Variants in KLHL18 observed in about 807,000 individuals in gnomAD.
The protein encoded by KLHL18 is kelch-like protein 18.
KLHL18 carries 38 observed loss-of-function variants against 58.5 expected under a neutral mutation model. The observed-to-expected ratio is 0.65, with a 90% confidence interval of 0.50 to 0.85. KLHL18 has a LOEUF of 0.85. Ranked by LOEUF, KLHL18 falls within the 40% of genes least tolerant of loss-of-function variation. The probability of loss-of-function intolerance (pLI) is 0.00; values close to 1 mark genes in which losing one functional copy is unlikely to be tolerated. For synonymous variants in KLHL18, 303 were observed against 301.9 expected (o/e 1.00, Z -0.04); for missense variants, 624 against 778.4 (o/e 0.80, Z 2.36).
At chr3:47,325,022 C>T (rs1352814891) in intron 3 of KLHL18, among the ~76,000 whole-genome samples, 1 of 152,154 alleles carries the variant, frequency 6.6e-6, no homozygotes, top group Admixed American at 6.5e-5. Context: ...CTGCCACAGA[C>T]TCCAGAGCCA....
intron 3 of KLHL18, among the ~76,000 whole-genome samples, chr3:47,324,975 C>T (rs914356969): frequency 6.6e-6 from 1 of 152,160 alleles, no homozygotes; most frequent in Non-Finnish European, 1.5e-5. Flanking sequence ...CCCTTCAGGA[C>T]CCTTTCTGAG....
chr3:47,337,260 A>G, intron 7 of KLHL18: 1 of 171,204 alleles, frequency 5.8e-6, no homozygotes, highest in South Asian at 1.3e-4. Flanking sequence ...ATGTTCTTTT[A>G]TTTAGGTCAC....
intron 1 of KLHL18, among the ~76,000 whole-genome samples, chr3:47,300,056 C>A (rs1186701349): frequency 6.6e-6 from 1 of 150,506 alleles, no homozygotes; most frequent in African/African-American, 2.4e-5. Flanking sequence ...CCCCGCCATA[C>A]CTCCTCCCTC....
rs773734435 is a variant in KLHL18, at chr3:47,343,981, G to C, written c.*40G>C. On this transcript the variant is annotated 3_prime_UTR_variant, in exon 10 of 10. Transcript: ENST00000232766. ...TGTGGTGGGGCAGGGATCTGGTACAGACATAGGCGCTTCCTTCCAGGAACA... is the reference window on the plus strand; with the variant it reads ...TGTGGTGGGGCAGGGATCTGGTACACACATAGGCGCTTCCTTCCAGGAACA... The C allele has an allele frequency of 6.3e-7, 1 of 1,595,048 alleles. No individual in the cohort carries two copies. The highest frequency in any genetic ancestry group is 1.4e-5 in the African/African-American group (1 of 73,914).
chr3:47,331,088 C>A (rs1160126123), intron 4 of KLHL18, among the ~76,000 whole-genome samples: 1 of 151,926 alleles, frequency 6.6e-6, no homozygotes, highest in Non-Finnish European at 1.5e-5. Flanking sequence ...AACATTGGGG[C>A]AGCTGTGGGA....
At chr3:47,287,768 A>G (rs2107572815) in intron 1 of KLHL18, among the ~76,000 whole-genome samples, 1 of 152,310 alleles carries the variant, frequency 6.6e-6, no homozygotes, top group African/African-American at 2.4e-5. Flanking sequence ...TACAGGCATC[A>G]GCCACCACGC....
At chr3:47,341,896 T>TAAA (rs10586716) in intron 8 of KLHL18, among the ~76,000 whole-genome samples, 1 of 125,766 alleles carries the variant, frequency 8.0e-6, no homozygotes, top group African/African-American at 3.1e-5. Context: ...CTGTCTCTTT[T>TAAA]AAAAAAAAAA....
Position 47,343,417 on chromosome 3 carries a change from A to T in KLHL18, c.1339-138A>T. 3.1e-6 allele frequency: 3 copies of T among 964,108 alleles called. No homozygotes were observed. The South Asian group carries it at 4.7e-5, about 15-fold the overall frequency. The allele number at this position is 964,108 out of a possible 1,614,324, so 59.7% of individuals were successfully genotyped here. A position where few individuals can be genotyped will look rare whatever the true frequency, so the allele number is the denominator to read the frequency against. ...AAAGAGCAGGCCTGCAGCAGAGGGA[A>T]TACTGGGAGAGCTCCTTGTCCCCAT... is the stretch of plus-strand genomic sequence containing the variant. On this transcript the variant is annotated intron_variant, in intron 9 of 9. Transcript: ENST00000232766.
chr3:47,333,387 T>A (rs1268346697), intron 5 of KLHL18, 70 bp downstream of exon 5: 12 of 1,455,764 alleles, frequency 8.2e-6, no homozygotes, highest in Non-Finnish European at 1.1e-5. Context: ...GGCCACCTGT[T>A]CCAGTTCTGG....
intron 1 of KLHL18, among the ~76,000 whole-genome samples, chr3:47,289,370 C>T (rs559745889): frequency 1.9e-4 from 29 of 152,224 alleles, no homozygotes; most frequent in African/African-American, 6.7e-4. Flanking sequence ...GTGAAAGGTA[C>T]AGTATTAGAA....
At chr3:47,304,707 CT>C (rs1703101194) in intron 1 of KLHL18, among the ~76,000 whole-genome samples, 1 of 151,940 alleles carries the variant, frequency 6.6e-6, no homozygotes, top group South Asian at 2.1e-4. Context: ...TTGCAAACTG[CT>C]TTGGATTTTC....
rs1031805836 is a variant in KLHL18, at chr3:47,288,864, A to G, written c.129+5770A>G. ...GGCCTAGGTAGAGAGATTTGTGTCCATGGACGCTCTCATCCCTTCTTCCCA... is the reference window on the plus strand; with the variant it reads ...GGCCTAGGTAGAGAGATTTGTGTCCGTGGACGCTCTCATCCCTTCTTCCCA... On this transcript the variant is annotated intron_variant, in intron 1 of 9. Coordinates refer to ENST00000232766, the MANE Select transcript of KLHL18 (RefSeq NM_025010.5). 3.9e-5 allele frequency among the ~76,000 whole-genome samples: 6 copies of G among 152,204 alleles called. No homozygotes were observed. In the East Asian group the frequency reaches 9.6e-4, roughly 24 times the overall value.
Position 47,334,558 on chromosome 3 carries a change from C to T in KLHL18, c.762-125C>T. On this transcript the variant is annotated intron_variant, in intron 5 of 9. Coordinates refer to ENST00000232766, the MANE Select transcript of KLHL18 (RefSeq NM_025010.5). This position sits in a 1 kb window ranked among gnomAD's most constrained non-coding sequence, Gnocchi z 4.7. ...TCACCTGGTTTCTTTGAGACCAGAC[C>T]TTCCAGAAGGCTTCTCCTCCCAGGT... 9.2e-7 allele frequency: 1 copy of T among 1,085,244 alleles called. No individual in the cohort carries two copies. Among genetic ancestry groups the T allele is most frequent in the South Asian group, 1.5e-5 (1 of 66,330 alleles). The allele number at this position is 1,085,244 out of a possible 1,614,324, so 67.2% of individuals were successfully genotyped here.
intron 1 of KLHL18, among the ~76,000 whole-genome samples, chr3:47,300,884 C>T (rs1471628272): frequency 6.6e-6 from 1 of 151,930 alleles, no homozygotes; most frequent in Non-Finnish European, 1.5e-5. Flanking sequence ...GGTGATCCGC[C>T]CACCTTGGCT....
At chr3:47,323,517 T>C (rs1241941185) in intron 3 of KLHL18, among the ~76,000 whole-genome samples, 1 of 152,226 alleles carries the variant, frequency 6.6e-6, no homozygotes, top group African/African-American at 2.4e-5. Context: ...CCATGGATTA[T>C]ACCCCCACCT....
chr3:47,292,356 C>T (rs1702807207), intron 1 of KLHL18, among the ~76,000 whole-genome samples: 1 of 151,464 alleles, frequency 6.6e-6, no homozygotes, highest in Non-Finnish European at 1.5e-5. Context: ...TGCCTGTAGT[C>T]CCAGCTACTC....
rs1169064722 is a variant in KLHL18, at chr3:47,334,503, C to A, written c.762-180C>A. 2.0e-5 allele frequency among the ~76,000 whole-genome samples: 3 copies of A among 152,112 alleles called. No homozygotes were observed. The highest frequency in any genetic ancestry group is 7.2e-5 in the African/African-American group (3 of 41,406). ...CTTGCCCCTTTAATTTTGAGTATAT[C>A]TCAGTAGCCATGTATGATTTTCCCA... On this transcript the variant is annotated intron_variant, in intron 5 of 9. Coordinates refer to ENST00000232766, the MANE Select transcript of KLHL18 (RefSeq NM_025010.5). The surrounding 1 kb of genome is among the most constrained non-coding windows in gnomAD (Gnocchi z 4.7).
rs79251045 is a variant in KLHL18, at chr3:47,321,069, G to T, written c.260+1286G>T. Among the ~76,000 whole-genome samples, 22 of 152,300 alleles carry T rather than the reference G, an allele frequency of 1.4e-4. No homozygotes were observed. The East Asian group carries it at 2.9e-3, about 20-fold the overall frequency. On this transcript the variant is annotated intron_variant, in intron 2 of 9. Transcript: ENST00000232766. ...TAGTCCAGGGGCTTCATTTAACAGA[G>T]ATTGCCTGAACATCCATGATGAGCA...
chr3:47,324,830 T>C (rs1211816022), intron 3 of KLHL18, among the ~76,000 whole-genome samples: 4 of 152,156 alleles, frequency 2.6e-5, no homozygotes, highest in African/African-American at 9.7e-5. Flanking sequence ...AGACTCTGTC[T>C]CTAAAAACTA....
Sources: gnomAD v4.1 joint callset for allele counts (sites outside exome capture counted in the v4.1 genomes callset) on GRCh38, gnomAD v4.1.1 for gene constraint, Gnocchi (gnomAD v3.1) non-coding constraint, MANE v1.5 for transcripts, NCBI Gene and HGNC (gene_info 2026-07-23, HGNC 2026-07-21) for gene names.